The following RAB9B variants were observed in gnomAD, a reference collection of about 807,000 sequenced individuals.
RAB9B encodes the protein RAB9B, member RAS oncogene family.
Under a neutral mutation model 8.9 loss-of-function variants are expected in RAB9B, and 1 was observed. The observed-to-expected ratio is 0.11, with a 90% CI of 0.04 to 0.53. The LOEUF is 0.53. RAB9B is among the 20% of genes least tolerant of loss of function. The pLI is 0.93. For synonymous variants in RAB9B, 63 were observed against 57.0 expected, an observed-to-expected ratio of 1.10 and a Z score of -0.47; for missense variants, 82 against 152.9, an observed-to-expected ratio of 0.54 and a Z score of 2.45.
At chrX:103,803,084 G>A in the RAB9B span, among the ~76,000 whole-genome samples, 1 of 111,772 alleles carries the variant, frequency 8.9e-6, no homozygotes, top group Non-Finnish European at 1.9e-5. Flanking sequence ...GACACATTTT[G>A]TTTATCTATT....
At chrX:103,796,151 C>T in the RAB9B span, among the ~76,000 whole-genome samples, 1 of 111,982 alleles carries the variant, frequency 8.9e-6, no homozygotes, top group Non-Finnish European at 1.9e-5. Flanking sequence ...GCTTTATGCC[C>T]TATTTGTCTT....
the RAB9B span, among the ~76,000 whole-genome samples, chrX:103,796,330 C>T: frequency 1.3e-3 from 142 of 110,951 alleles, no homozygotes; most frequent in South Asian, 0.055. Context: ...ATTAGCCAGG[C>T]GTGGTGGTTC....
chrX:103,812,436 T>G, the RAB9B span, among the ~76,000 whole-genome samples: 8 of 111,944 alleles, frequency 7.1e-5, no homozygotes, highest in Non-Finnish European at 1.3e-4. Context: ...GACTGAGTAG[T>G]AGGATCTTGG....
chrX:103,786,802 A>C, the RAB9B span: 4 of 1,078,289 alleles, frequency 3.7e-6, no homozygotes, highest in Non-Finnish European at 5.2e-6. Context: ...CCTCGTCCCC[A>C]CCCAAGGCTG....
the RAB9B span, among the ~76,000 whole-genome samples, chrX:103,797,966 T>C: frequency 9.0e-6 from 1 of 111,341 alleles, no homozygotes; most frequent in Non-Finnish European, 1.9e-5. Flanking sequence ...CGCCATGACC[T>C]TGCTGCTCTA....
Position 103,822,838 on chromosome X carries a change from T to C in RAB9B, c.*2341A>G, listed in dbSNP as rs1355684186. On this transcript the variant is annotated 3_prime_UTR_variant, in exon 3 of 3. Transcript: ENST00000243298. ...TGTTGCTTACCCAAATGCCACTGTT[T>C]ATGTCACTTAATGTTGAGTGCTTTC... 1 of 111,278 alleles carries C rather than the reference T, an allele frequency of 9.0e-6. No homozygotes were observed. Among genetic ancestry groups the C allele is most frequent in the African/African-American group, 3.3e-5 (1 of 30,580 alleles). 9.2% of individuals were successfully genotyped at this position (111,278 alleles called of 1,213,427 possible). A position where few individuals can be genotyped will look rare whatever the true frequency, so the allele number is the denominator to read the frequency against.
the RAB9B span, among the ~76,000 whole-genome samples, chrX:103,794,518 T>G: frequency 9.0e-6 from 1 of 111,426 alleles, no homozygotes; most frequent in Non-Finnish European, 1.9e-5. Flanking sequence ...AGGCTAAGTC[T>G]GAGAAGCCAA....
At chrX:103,788,566 C>T in the RAB9B span, 38 of 863,526 alleles carry the variant, frequency 4.4e-5, no homozygotes, top group South Asian at 7.2e-4. Flanking sequence ...ATACAAATTA[C>T]ACCCATGGCC....
the RAB9B span, among the ~76,000 whole-genome samples, chrX:103,813,923 C>T: frequency 1.8e-5 from 2 of 109,737 alleles, no homozygotes; most frequent in African/African-American, 6.6e-5. Flanking sequence ...ACAGGAGCAC[C>T]CTGATTCATA....
the RAB9B span, among the ~76,000 whole-genome samples, chrX:103,794,131 G>A: frequency 8.9e-6 from 1 of 111,848 alleles, no homozygotes; most frequent in Admixed American, 9.5e-5. Context: ...TTCAGCCATA[G>A]CAGACAGGTC....
the RAB9B span, among the ~76,000 whole-genome samples, chrX:103,811,227 T>C: frequency 2.7e-5 from 3 of 111,968 alleles, no homozygotes; most frequent in Non-Finnish European, 3.8e-5. Flanking sequence ...TACTCAAGCA[T>C]TGGGTGGAAT....
the RAB9B span, among the ~76,000 whole-genome samples, chrX:103,778,720 A>G: frequency 2.7e-5 from 3 of 111,630 alleles, no homozygotes; most frequent in Non-Finnish European, 5.6e-5. Flanking sequence ...GGCCAGGTAC[A>G]TATGATGGAG....
Position 103,822,775 on chromosome X carries a change from T to C in RAB9B, c.*2404A>G, listed in dbSNP as rs1304833804. 4 of 111,707 alleles carry C rather than the reference T, an allele frequency of 3.6e-5. No individual in the cohort carries two copies. Among genetic ancestry groups the C allele is most frequent in the African/African-American group, 1.3e-4 (4 of 30,730 alleles). 9.2% of individuals were successfully genotyped at this position (111,707 alleles called of 1,213,427 possible). ...CACAGATTTCAGCCTTTGGTGTTTT[T>C]TAATCTTACCCAAACTGTATGTCAG... On this transcript the variant is annotated 3_prime_UTR_variant, in exon 3 of 3. Transcript: ENST00000243298.
At chrX:103,821,092 A>G (rs989741472), downstream of RAB9B, among the ~76,000 whole-genome samples, 19 of 103,843 alleles carry the variant, frequency 1.8e-4, no homozygotes, top group African/African-American at 6.1e-4. Context: ...GCTTAAGTTC[A>G]GGAGGTGGAG....
downstream of RAB9B, among the ~76,000 whole-genome samples, chrX:103,821,417 T>C (rs1361023471): frequency 9.1e-6 from 1 of 109,755 alleles, no homozygotes; most frequent in Non-Finnish European, 1.9e-5. Flanking sequence ...CTGCCCAAAG[T>C]TGCAACAGGC....
At chrX:103,794,434 T>C in the RAB9B span, among the ~76,000 whole-genome samples, 1 of 111,908 alleles carries the variant, frequency 8.9e-6, no homozygotes, top group Admixed American at 9.5e-5. Flanking sequence ...CTCAATCATT[T>C]GGGGAGTCAG....
At chrX:103,777,311 G>T in the RAB9B span, among the ~76,000 whole-genome samples, 2 of 111,243 alleles carry the variant, frequency 1.8e-5, no homozygotes, top group East Asian at 5.7e-4. Context: ...TTTTCCCTTG[G>T]TTCCAAGGCC....
chrX:103,806,644 G>A, the RAB9B span, among the ~76,000 whole-genome samples: 1 of 111,577 alleles, frequency 9.0e-6, no homozygotes, highest in Non-Finnish European at 1.9e-5. Flanking sequence ...TCCTTTCTTA[G>A]TTGTTTAGTT....
At chrX:103,780,148 A>G in the RAB9B span, 1 of 112,891 alleles carries the variant, frequency 8.9e-6, no homozygotes, top group East Asian at 2.8e-4. Flanking sequence ...CTGGCCTCTG[A>G]GCTGTCTGCC....
Sources: gnomAD v4.1 joint callset for allele counts (sites outside exome capture counted in the v4.1 genomes callset) on GRCh38, gnomAD v4.1.1 for gene constraint, MANE v1.5 for transcripts, NCBI Gene and HGNC (gene_info 2026-07-23, HGNC 2026-07-21) for gene names.